ST6GALNAC3: variants seen among roughly 807,000 people sequenced by gnomAD.
ST6GALNAC3 encodes the protein alpha-N-acetylgalactosaminide alpha-2,6-sialyltransferase 3.
ST6GALNAC3 carries 25 observed loss-of-function variants against 32.7 expected under a neutral mutation model. The observed-to-expected ratio is 0.76, with a 90% CI of 0.56 to 1.07. The LOEUF (loss-of-function observed/expected upper bound fraction) is 1.07, where lower values mean the gene tolerates loss of function less well. Among genes scored for constraint, ST6GALNAC3 ranks in the 50% least tolerant of loss-of-function variants. ST6GALNAC3 has a pLI of 0.00. For synonymous variants in ST6GALNAC3, 129 were observed against 133.1 expected, an observed-to-expected ratio of 0.97 and a Z score of 0.21; for missense variants, 355 against 382.4, an observed-to-expected ratio of 0.93 and a Z score of 0.60.
intron 1 of ST6GALNAC3, among the ~76,000 whole-genome samples, chr1:76,077,364 C>G (rs1396687547): frequency 6.6e-6 from 1 of 151,894 alleles, no homozygotes; most frequent in African/African-American, 2.4e-5. Flanking sequence ...GTTTCTGTGC[C>G]TGGTCCTGAT....
At chr1:76,277,680 G>C (rs1266133791) in intron 1 of ST6GALNAC3, among the ~76,000 whole-genome samples, 2 of 150,150 alleles carry the variant, frequency 1.3e-5, no homozygotes, top group African/African-American at 4.9e-5. Flanking sequence ...ACACATATAT[G>C]TCTTTAACTT....
chr1:76,414,418 G>A (rs1015830100), intron 3 of ST6GALNAC3, among the ~76,000 whole-genome samples: 37 of 152,010 alleles, frequency 2.4e-4, no homozygotes, highest in African/African-American at 8.9e-4. Flanking sequence ...TTTAAGTAGA[G>A]CCTGGTTGGA....
At chr1:76,188,940 G>C (rs1429272507) in intron 1 of ST6GALNAC3, among the ~76,000 whole-genome samples, 1 of 152,184 alleles carries the variant, frequency 6.6e-6, no homozygotes, top group East Asian at 1.9e-4. Context: ...GAACTTTGGA[G>C]TACTTTGTAA....
chr1:76,566,386 G>A (rs929952038), intron 3 of ST6GALNAC3, among the ~76,000 whole-genome samples: 7 of 152,236 alleles, frequency 4.6e-5, no homozygotes, highest in Middle Eastern at 3.4e-3. Flanking sequence ...CCTTCCAAAT[G>A]TAAGTAACTG....
At chr1:76,421,725 G>T (rs1189139407) in intron 3 of ST6GALNAC3, among the ~76,000 whole-genome samples, 1 of 151,874 alleles carries the variant, frequency 6.6e-6, no homozygotes, top group African/African-American at 2.4e-5. Context: ...ATAAAGAAAA[G>T]AAAAAATTGG....
chr1:76,277,928 A>T (rs1659263286), intron 1 of ST6GALNAC3, among the ~76,000 whole-genome samples: 1 of 152,106 alleles, frequency 6.6e-6, no homozygotes, highest in African/African-American at 2.4e-5. Context: ...TGGTTACACA[A>T]GTCTCCTCCC....
chr1:76,469,557 G>C (rs1658881715), intron 3 of ST6GALNAC3, among the ~76,000 whole-genome samples: 2 of 152,098 alleles, frequency 1.3e-5, no homozygotes. Flanking sequence ...TTACTGGCTG[G>C]AACAGTTGTT....
intron 1 of ST6GALNAC3, among the ~76,000 whole-genome samples, chr1:76,265,740 G>A (rs544329073): frequency 1.1e-4 from 17 of 152,244 alleles, no homozygotes; most frequent in Middle Eastern, 3.4e-3. Context: ...TAATTGTAAG[G>A]ATTAAATGAA....
intron 1 of ST6GALNAC3, among the ~76,000 whole-genome samples, chr1:76,154,745 G>A (rs1475960940): frequency 6.6e-6 from 1 of 152,160 alleles, no homozygotes; most frequent in Non-Finnish European, 1.5e-5. Context: ...CCCGTGGTTA[G>A]TGTGGATCAG....
Position 76,632,530 on chromosome 1 carries a change from G to A in ST6GALNAC3, c.*3724G>A, listed in dbSNP as rs1320581763. 2 of 152,060 alleles carry A rather than the reference G, an allele frequency of 1.3e-5. No individual in the cohort carries two copies. The highest frequency in any genetic ancestry group is 2.4e-5 in the African/African-American group (1 of 41,382). The allele number at this position is 152,060 out of a possible 1,614,324, so 9.4% of individuals were successfully genotyped here. A position where few individuals can be genotyped will look rare whatever the true frequency, so the allele number is the denominator to read the frequency against. ...AGATTTGCATGATTTTTATTATATA[G>A]CTACAGAACTGTGACCACTGTGAAA... On this transcript the variant is annotated 3_prime_UTR_variant, in exon 5 of 5. Transcript: ENST00000328299.
At chr1:76,627,411 G>A (rs753812915) in intron 3 of ST6GALNAC3, 41 bp from the exon 4 acceptor site, 1 of 1,324,642 alleles carries the variant, frequency 7.5e-7, no homozygotes, top group East Asian at 2.3e-5. Context: ...TGTGTTCTGT[G>A]TTTTGTTCTG....
chr1:76,198,837 CAG>C (rs1181769621), intron 1 of ST6GALNAC3, among the ~76,000 whole-genome samples: 1 of 152,086 alleles, frequency 6.6e-6, no homozygotes, highest in Non-Finnish European at 1.5e-5. Context: ...ACTTAGGAGA[CAG>C]AACTGAGCCA....
Position 76,131,854 on chromosome 1 carries a change from G to A in ST6GALNAC3, c.18+56970G>A, listed in dbSNP as rs148884684. On this transcript the variant is annotated intron_variant, in intron 1 of 4. Transcript: ENST00000328299. Reference sequence around the variant, plus strand: ...TTAAATATTGCTCTGGGTAGGTGCAGTGCATATTCCTGCAGGTGACCCTGG... The same window carrying A: ...TTAAATATTGCTCTGGGTAGGTGCAATGCATATTCCTGCAGGTGACCCTGG... 2.7e-3 allele frequency among the ~76,000 whole-genome samples: 418 copies of A among 152,296 alleles called. 3 individuals are homozygous for A. Among genetic ancestry groups the A allele is most frequent in the African/African-American group, 9.8e-3 (407 of 41,556 alleles).
In ST6GALNAC3 at chr1:76,187,514, T is replaced by C. The variant is rs79474769; in HGVS notation, c.18+112630T>C. On this transcript the variant is annotated intron_variant, in intron 1 of 4. Transcript: ENST00000328299. ...CTAAAAAATATCTCCAGATATTGTA[T>C]AAATCATGGAATTCAGGCAGCTATG... is the stretch of plus-strand genomic sequence containing the variant. Among the ~76,000 whole-genome samples, 1,008 of 152,296 alleles carry C rather than the reference T, an allele frequency of 6.6e-3. 6 individuals are homozygous for C. Among genetic ancestry groups the C allele is most frequent in the Middle Eastern group, 0.02 (6 of 294 alleles).
chr1:76,213,734 T>C (rs1249162782), intron 1 of ST6GALNAC3, among the ~76,000 whole-genome samples: 2 of 152,162 alleles, frequency 1.3e-5, no homozygotes, highest in African/African-American at 4.8e-5. Context: ...ATTCTTCCTC[T>C]AAATCCTGCC....
intron 3 of ST6GALNAC3, among the ~76,000 whole-genome samples, chr1:76,584,548 A>G (rs896393757): frequency 3.9e-5 from 6 of 152,212 alleles, no homozygotes; most frequent in Non-Finnish European, 7.3e-5. Context: ...GCATAGCAAT[A>G]TTTTTGTTCA....
intron 1 of ST6GALNAC3, among the ~76,000 whole-genome samples, chr1:76,261,081 C>T (rs1264765248): frequency 6.6e-6 from 1 of 150,978 alleles, no homozygotes; most frequent in Non-Finnish European, 1.5e-5. Flanking sequence ...ATATTATATT[C>T]TTAAAATCTA....
intron 1 of ST6GALNAC3, among the ~76,000 whole-genome samples, chr1:76,249,173 C>T (rs1352985194): frequency 2.6e-5 from 4 of 152,152 alleles, no homozygotes; most frequent in East Asian, 1.9e-4. Flanking sequence ...ATACTCACAG[C>T]GTTGTGCAAA....
At chr1:76,368,146 A>G (rs1314110319) in intron 2 of ST6GALNAC3, among the ~76,000 whole-genome samples, 1 of 151,990 alleles carries the variant, frequency 6.6e-6, no homozygotes, top group Non-Finnish European at 1.5e-5. Context: ...TCTAGGTTTC[A>G]TGTACCTTAC....
Sources: allele counts gnomAD v4.1 joint callset (sites outside exome capture counted in the v4.1 genomes callset), GRCh38; gene constraint gnomAD v4.1.1; transcripts MANE v1.5; gene names NCBI Gene and HGNC (gene_info 2026-07-23, HGNC 2026-07-21).